Variants in DNAI7 observed in about 807,000 individuals in gnomAD.
DNAI7 encodes dynein axonemal intermediate chain 7, also known as cancer susceptibility 1.
Under a neutral mutation model 86.6 loss-of-function variants are expected in DNAI7, and 78 were observed. That is an observed-to-expected ratio of 0.90 (90% CI 0.75 to 1.09). DNAI7 has a LOEUF of 1.09. Ranked by LOEUF, DNAI7 falls within the 50% of genes least tolerant of loss-of-function variation. DNAI7 has a pLI of 0.00. For synonymous variants in DNAI7, 274 were observed against 273.0 expected, an observed-to-expected ratio of 1.00 and a Z score of -0.04; for missense variants, 753 against 810.2, an observed-to-expected ratio of 0.93 and a Z score of 0.86.
chr12:25,125,264 CA>C (rs746230642), intron 9 of DNAI7, among the ~76,000 whole-genome samples: 6 of 152,334 alleles, frequency 3.9e-5, no homozygotes, highest in Admixed American at 2.0e-4. Context: ...CTATTCCCCG[CA>C]ACCTCACCAG....
chr12:25,147,630 G>A (rs140619859), intron 7 of DNAI7, among the ~76,000 whole-genome samples: 144 of 152,210 alleles, frequency 9.5e-4, no homozygotes, highest in African/African-American at 3.1e-3. Flanking sequence ...CACTCTAGCC[G>A]GGGTGACAGA....
chr12:25,116,198 T>C (rs1392810661), intron 12 of DNAI7, among the ~76,000 whole-genome samples: 3 of 151,988 alleles, frequency 2.0e-5, no homozygotes, highest in Non-Finnish European at 4.4e-5. Context: ...CTGCTCTCGA[T>C]TGGAGGGTTC....
At position 25,144,600 on chromosome 12, in the gene DNAI7, A is replaced by T. The variant is rs1475137528; in HGVS notation, c.767T>A (p.Val256Glu). 10 of 1,614,096 alleles carry T rather than the reference A, an allele frequency of 6.2e-6. No homozygotes were observed. The highest frequency in any genetic ancestry group is 8.5e-6 in the Non-Finnish European group (10 of 1,179,976). Residue 256 changes from valine to glutamate, a missense_variant, in exon 9 of 16, where the codon GTA (valine) becomes GAA (glutamate). Coordinates refer to ENST00000395987, the MANE Select transcript of DNAI7 (RefSeq NM_018272.5). ...ATCATAGTGGGTATGCAGGAGTCGT[A>T]CAGCAATGTCACTTGTTGCTAATAT... ...PRILATSDIA[V>E]RLLHTHYDHV...
At chr12:25,185,873 G>A in intron 2 of DNAI7, 1 of 275,066 alleles carries the variant, frequency 3.6e-6, no homozygotes, top group Non-Finnish European at 5.5e-6. Flanking sequence ...CCTGGGGGTA[G>A]TTGAGCATGA....
chr12:25,194,930 G>A (rs1438212469), intron 1 of DNAI7, 146 bp downstream of exon 1: 2 of 1,614,028 alleles, frequency 1.2e-6, no homozygotes, highest in African/African-American at 1.3e-5. Flanking sequence ...TGAGAAGAGG[G>A]CCGACCCACC....
chr12:25,113,956 T>TG (rs1565622593), intron 13 of DNAI7, among the ~76,000 whole-genome samples: 2 of 146,496 alleles, frequency 1.4e-5, no homozygotes, highest in African/African-American at 5.2e-5. Context: ...TTTTTTTTTT[T>TG]TTTTTTTGAG....
At chr12:25,124,927 CCA>C (rs3033643) in intron 9 of DNAI7, among the ~76,000 whole-genome samples, 60,154 of 151,840 alleles carry the variant, frequency 0.4, 13,753 homozygotes, top group East Asian at 0.77. Context: ...TCAGCTCCAC[CCA>C]CGTTCCTGCA....
At chr12:25,150,468 G>GT (rs763885796) in intron 6 of DNAI7, among the ~76,000 whole-genome samples, 100 of 152,118 alleles carry the variant, frequency 6.6e-4, no homozygotes, top group Admixed American at 2.4e-3. Context: ...GCCAGGTGTG[G>GT]TGGCGGGCGC....
chr12:25,155,318 A>G lies in DNAI7; in HGVS notation c.293T>C (p.Leu98Pro). 6.3e-7 allele frequency: 1 copy of G among 1,581,500 alleles called. No homozygotes were observed. The highest frequency in any genetic ancestry group is 8.7e-7 in the Non-Finnish European group (1 of 1,153,384). ...AEKLKQETKL[L>P]SQWKHYIQCD... ...AAGAGAAATCAGTCCTACCTGAGAA[A>G]GCAATTTAGTTTCCTGTTTCAATTT... Residue 98 changes from leucine to proline, a missense_variant, in exon 5 of 16, where the codon CTT becomes CCT. Transcript: ENST00000395987.
At chr12:25,163,255 G>A (rs1467861391) in intron 2 of DNAI7, among the ~76,000 whole-genome samples, 1 of 152,104 alleles carries the variant, frequency 6.6e-6, no homozygotes, top group Non-Finnish European at 1.5e-5. Flanking sequence ...TATCCCCTGT[G>A]ACCTGCACGT....
At chr12:25,153,370 G>A (rs959554973) in intron 6 of DNAI7, among the ~76,000 whole-genome samples, 1 of 152,156 alleles carries the variant, frequency 6.6e-6, no homozygotes, top group Non-Finnish European at 1.5e-5. Flanking sequence ...GCGGTAAGCC[G>A]AGATCACGCC....
intron 2 of DNAI7, among the ~76,000 whole-genome samples, chr12:25,174,540 GAT>G (rs1211592053): frequency 2.1e-4 from 16 of 76,270 alleles, no homozygotes; most frequent in African/African-American, 4.2e-4. Context: ...ATATATATGG[GAT>G]ATATATATGA....
chr12:25,109,541 T>C (rs1949613062), intron 15 of DNAI7, among the ~76,000 whole-genome samples: 1 of 151,254 alleles, frequency 6.6e-6, no homozygotes, highest in Non-Finnish European at 1.5e-5. Flanking sequence ...TGGGAGCCAC[T>C]GCACCCGGCA....
At chr12:25,126,227 T>C (rs900777540) in intron 9 of DNAI7, among the ~76,000 whole-genome samples, 4 of 152,152 alleles carry the variant, frequency 2.6e-5, no homozygotes, top group African/African-American at 7.2e-5. Context: ...TGTAAAGATC[T>C]GAGGCTGGAG....
intron 7 of DNAI7, among the ~76,000 whole-genome samples, chr12:25,147,954 A>T (rs1170093704): frequency 6.6e-6 from 1 of 152,216 alleles, no homozygotes. Context: ...TAAGAATTTT[A>T]AAATAAAAAC....
chr12:25,114,103 G>A lies in DNAI7; in HGVS notation c.1611+553C>T, dbSNP rs560120196. 3.5e-3 allele frequency among the ~76,000 whole-genome samples: 532 copies of A among 150,214 alleles called. 5 individuals are homozygous for A. The highest frequency in any genetic ancestry group is 0.012 in the African/African-American group (493 of 40,850). ...TGGGATTACAGGTGTGTGCCACCAC[G>A]CCTGGCTAATTTTTGTATTTTTAGT... On this transcript the variant is annotated intron_variant, in intron 13 of 15. Transcript: ENST00000395987.
chr12:25,183,697 A>G (rs975745837), intron 2 of DNAI7, among the ~76,000 whole-genome samples: 6 of 151,854 alleles, frequency 4.0e-5, no homozygotes, highest in African/African-American at 1.5e-4. Context: ...TCAGTCTCCC[A>G]TATTGCTGGA....
chr12:25,166,360 C>T (rs1288740946), intron 2 of DNAI7, among the ~76,000 whole-genome samples: 2 of 152,122 alleles, frequency 1.3e-5, no homozygotes, highest in African/African-American at 4.8e-5. Flanking sequence ...TCCTCAATAC[C>T]TCCCTCCACA....
intron 2 of DNAI7, among the ~76,000 whole-genome samples, chr12:25,175,882 A>T (rs1948904150): frequency 6.6e-6 from 1 of 151,228 alleles, no homozygotes; most frequent in Non-Finnish European, 1.5e-5. Context: ...GTTTGAGACC[A>T]GCCTGGCCAA....
Sources: gnomAD v4.1 joint callset for allele counts (sites outside exome capture counted in the v4.1 genomes callset) on GRCh38, gnomAD v4.1.1 for gene constraint, MANE v1.5 for transcripts, NCBI Gene and HGNC (gene_info 2026-07-23, HGNC 2026-07-21) for gene names.